Variants in SNRPA1 observed in about 807,000 individuals in gnomAD.
The protein encoded by SNRPA1 is U2 small nuclear ribonucleoprotein A'.
Under a neutral mutation model 32.3 loss-of-function variants are expected in SNRPA1, and 5 were observed. That is an observed-to-expected ratio of 0.15 (90% CI 0.08 to 0.33). The LOEUF is 0.33. Among genes scored for constraint, SNRPA1 ranks in the 10% least tolerant of loss-of-function variants. The pLI, the probability that SNRPA1 is intolerant of heterozygous loss-of-function variation, is 1.00. For synonymous variants in SNRPA1, 111 were observed against 120.1 expected (o/e 0.92, Z 0.50); for missense variants, 198 against 311.1 (o/e 0.64, Z 2.74).
rs527750619 is a variant in SNRPA1 at position 101,285,784 on chromosome 15, C to A, written c.557G>T (p.Gly186Val). Residue 186 changes from glycine to valine, a missense_variant, in exon 7 of 9, where the codon GGT becomes GTT. Physicochemically the swap from Gly to Val is moderately radical, Grantham distance 109. Transcript: ENST00000254193. ...ACCTTTCTTTTTGTCAGTTGGCAAACCAGCACCTGGATTAAAACTTAAGAG... is the reference window on the plus strand; with the variant it reads ...ACCTTTCTTTTTGTCAGTTGGCAAAACAGCACCTGGATTAAAACTTAAGAG... ...RRSKTFNPGA[G>V]LPTDKKKGGP... The A allele has an allele frequency of 6.2e-7, 1 of 1,613,532 alleles. No homozygotes were observed. Among genetic ancestry groups the A allele is most frequent in the Admixed American group, 1.7e-5 (1 of 60,020 alleles).
chr15:101,283,330 T>A (rs1273359621), intron 8 of SNRPA1, among the ~76,000 whole-genome samples: 1 of 146,994 alleles, frequency 6.8e-6, no homozygotes, highest in Non-Finnish European at 1.5e-5. Context: ...GGGTGGATCA[T>A]GAGGTCAGGA....
At chr15:101,283,592 C>T (rs1206258304) in intron 8 of SNRPA1, among the ~76,000 whole-genome samples, 2 of 152,000 alleles carry the variant, frequency 1.3e-5, no homozygotes, top group Non-Finnish European at 2.9e-5. Context: ...CAAAATCAGT[C>T]TTCACCTTAC....
chr15:101,283,906 C>G (rs111639099), intron 8 of SNRPA1, among the ~76,000 whole-genome samples: 4,363 of 152,346 alleles, frequency 0.029, 197 homozygotes, highest in African/African-American at 0.099. Flanking sequence ...CGCCACTGCA[C>G]TCCAGCCTGG....
At chr15:101,282,346 C>T (rs981686271) in intron 8 of SNRPA1, among the ~76,000 whole-genome samples, 1 of 152,238 alleles carries the variant, frequency 6.6e-6, no homozygotes. Context: ...TCTGACTTAA[C>T]ATCAGTCAGC....
intron 2 of SNRPA1, 76 bp downstream of exon 2, chr15:101,292,949 C>A: frequency 1.1e-6 from 1 of 929,564 alleles, no homozygotes. Context: ...ACCAGTAGCA[C>A]GTGCTACAAC....
intron 8 of SNRPA1, among the ~76,000 whole-genome samples, chr15:101,282,642 C>T (rs982211002): frequency 1.3e-5 from 2 of 152,148 alleles, no homozygotes; most frequent in Non-Finnish European, 2.9e-5. Flanking sequence ...TTTACCCGTA[C>T]ATGATTTCGT....
intron 8 of SNRPA1, among the ~76,000 whole-genome samples, chr15:101,282,517 TAA>T (rs2039407657): frequency 6.6e-6 from 1 of 152,244 alleles, no homozygotes; most frequent in Non-Finnish European, 1.5e-5. Context: ...GATACTATGC[TAA>T]AACTTGACAA....
At chr15:101,288,548 G>C (rs904401098) in intron 3 of SNRPA1, 1 of 152,152 alleles carries the variant, frequency 6.6e-6, no homozygotes, top group African/African-American at 2.4e-5. Flanking sequence ...ACGCCCAGTG[G>C]GCAGGGTGAA....
intron 2 of SNRPA1, 31 bp downstream of exon 2, chr15:101,292,994 G>GA: frequency 6.5e-7 from 1 of 1,530,254 alleles, no homozygotes; most frequent in South Asian, 1.3e-5. Context: ...TACTCTAGGG[G>GA]AAAAAATTAC....
Position 101,293,135 on chromosome 15 carries a change from C to T in SNRPA1, c.120G>A (p.Thr40=), listed in dbSNP as rs576423305. The T allele has an allele frequency of 6.2e-6, 10 of 1,610,340 alleles. No individual in the cohort carries two copies. The highest frequency in any genetic ancestry group is 2.2e-5 in the East Asian group (1 of 44,794). ...KIPVIENLGA[T]LDQFDAIDFS... is the part of the protein sequence containing the mutation. ...AATCAATAGCATCAAACTGGTCTAA[C>T]GTAGCACCTAGATTTTCAATGACGG... is the stretch of plus-strand genomic sequence containing the variant. The change falls in exon 2 of 9, where the codon ACG becomes ACA. Residue 40 remains threonine (T), a synonymous_variant. Coordinates refer to ENST00000254193, the MANE Select transcript of SNRPA1 (RefSeq NM_003090.4).
At position 101,287,162 on chromosome 15, in the gene SNRPA1, T is replaced by C. The variant is rs569938669; in HGVS notation, c.357-152A>G. ...ACAATTTAACATTAAGGAAATATATTCAATCTTTCTTTGTAAAAGGCACTT... is the reference window on the plus strand; with the variant it reads ...ACAATTTAACATTAAGGAAATATATCCAATCTTTCTTTGTAAAAGGCACTT... On this transcript the variant is annotated intron_variant, in intron 4 of 8. Transcript: ENST00000254193. 17 of 514,462 alleles carry C rather than the reference T, an allele frequency of 3.3e-5. No individual in the cohort carries two copies. In the East Asian group the frequency reaches 4.4e-4, roughly 13 times the overall value. The allele number at this position is 514,462 out of a possible 1,614,324, so 31.9% of individuals were successfully genotyped here. A position where few individuals can be genotyped will look rare whatever the true frequency, so the allele number is the denominator to read the frequency against.
chr15:101,287,790 C>T, intron 3 of SNRPA1, 88 bp from the exon 4 acceptor site: 1 of 1,180,186 alleles, frequency 8.5e-7, no homozygotes. Flanking sequence ...AGCAAGTTGT[C>T]TTTTCATTAT....
intron 8 of SNRPA1, among the ~76,000 whole-genome samples, chr15:101,283,394 A>C (rs996174235): frequency 7.3e-6 from 1 of 137,186 alleles, no homozygotes; most frequent in East Asian, 2.1e-4. Flanking sequence ...TGTCTCTACT[A>C]AAAAAAAAAA....
intron 3 of SNRPA1, among the ~76,000 whole-genome samples, chr15:101,289,401 C>T (rs904902471): frequency 1.8e-4 from 28 of 151,996 alleles, no homozygotes; most frequent in African/African-American, 6.3e-4. Context: ...TTAATTCCTA[C>T]GATGCTAACT....
chr15:101,291,855 G>GA, intron 3 of SNRPA1, 107 bp downstream of exon 3: 1 of 659,216 alleles, frequency 1.5e-6, no homozygotes, highest in Non-Finnish European at 2.6e-6. Context: ...AAAAAGACAA[G>GA]AAAGAGGATA....
At chr15:101,287,786 T>C (rs2039472705) in intron 3 of SNRPA1, 84 bp from the exon 4 acceptor site, 2 of 1,242,500 alleles carry the variant, frequency 1.6e-6, no homozygotes, top group Non-Finnish European at 2.3e-6. Flanking sequence ...TTGAAGCAAG[T>C]TGTCTTTTCA....
Position 101,282,646 on chromosome 15 carries a change from A to T in SNRPA1, c.710-864T>A, listed in dbSNP as rs552306599. On this transcript the variant is annotated intron_variant, in intron 8 of 8. Coordinates refer to ENST00000254193, the MANE Select transcript of SNRPA1 (RefSeq NM_003090.4). The stretch of plus-strand genomic sequence containing the variant: ...TGAACAAATCTTTTACCCGTACATG[A>T]TTTCGTATCATTTGGAAAACTGTGG... 3.3e-5 allele frequency among the ~76,000 whole-genome samples: 5 copies of T among 152,186 alleles called. 1 individual carries two copies. In the South Asian group the frequency reaches 1.0e-3, roughly 32 times the overall value.
intron 1 of SNRPA1, 85 bp downstream of exon 1, chr15:101,295,012 C>T: frequency 1.1e-6 from 1 of 887,350 alleles, no homozygotes; most frequent in Non-Finnish European, 1.6e-6. Context: ...GGCCAAGCTC[C>T]GGCCTTCGGT....
chr15:101,291,264 T>C (rs1338114008), intron 3 of SNRPA1, among the ~76,000 whole-genome samples: 1 of 152,210 alleles, frequency 6.6e-6, no homozygotes, highest in Non-Finnish European at 1.5e-5. Flanking sequence ...ATGTTAAAAA[T>C]TGGATACACA....
Sources: gnomAD v4.1 joint callset for allele counts (sites outside exome capture counted in the v4.1 genomes callset) on GRCh38, gnomAD v4.1.1 for gene constraint, MANE v1.5 for transcripts, NCBI Gene and HGNC (gene_info 2026-07-23, HGNC 2026-07-21) for gene names.